The following ETV6 variants were observed in gnomAD, a reference collection of about 807,000 sequenced individuals.
The protein encoded by ETV6 is ETS variant transcription factor 6.
A neutral mutation model predicts 51.1 loss-of-function variants in ETV6; 16 were observed. That is an observed-to-expected ratio of 0.31 (90% CI 0.21 to 0.48). The LOEUF is 0.48. Ranked by LOEUF, ETV6 falls within the 20% of genes least tolerant of loss-of-function variation. The probability of loss-of-function intolerance (pLI) is 0.99; values close to 1 mark genes in which losing one functional copy is unlikely to be tolerated. For synonymous variants in ETV6, 240 were observed against 224.1 expected, an observed-to-expected ratio of 1.07 and a Z score of -0.64; for missense variants, 458 against 594.8, an observed-to-expected ratio of 0.77 and a Z score of 2.39.
chr12:11,842,753 C>G (rs2136470378), intron 3 of ETV6, among the ~76,000 whole-genome samples: 1 of 152,306 alleles, frequency 6.6e-6, no homozygotes, highest in East Asian at 1.9e-4. Context: ...GATTCATTGG[C>G]TTACTTAAAG....
intron 2 of ETV6, among the ~76,000 whole-genome samples, chr12:11,838,845 T>C (rs1430399037): frequency 1.3e-5 from 2 of 152,188 alleles, no homozygotes; most frequent in East Asian, 3.8e-4. Flanking sequence ...ACATAAAAGA[T>C]CTTTTTCTCA....
At chr12:11,656,507 C>T (rs1864001946) in intron 1 of ETV6, among the ~76,000 whole-genome samples, 1 of 152,202 alleles carries the variant, frequency 6.6e-6, no homozygotes, top group African/African-American at 2.4e-5. Context: ...CTAGCCATTA[C>T]ACAAGTAGCG....
intron 1 of ETV6, among the ~76,000 whole-genome samples, chr12:11,720,662 C>A (rs1007951572): frequency 6.6e-6 from 1 of 152,104 alleles, no homozygotes; most frequent in Non-Finnish European, 1.5e-5. Flanking sequence ...TTGACACTAG[C>A]CTTGGCAAAG....
At chr12:11,795,212 A>G (rs1945657939) in intron 2 of ETV6, among the ~76,000 whole-genome samples, 1 of 152,254 alleles carries the variant, frequency 6.6e-6, no homozygotes, top group African/African-American at 2.4e-5. Context: ...TAAAGCAGGA[A>G]CTGTTATTTG....
At chr12:11,751,225 G>C (rs987210471) in intron 1 of ETV6, among the ~76,000 whole-genome samples, 1 of 152,178 alleles carries the variant, frequency 6.6e-6, no homozygotes, top group African/African-American at 2.4e-5. Context: ...TATAGGCCGA[G>C]GACTCCGCCG....
At chr12:11,729,427 G>C (rs541617374) in intron 1 of ETV6, among the ~76,000 whole-genome samples, 1 of 152,154 alleles carries the variant, frequency 6.6e-6, no homozygotes, top group Non-Finnish European at 1.5e-5. Flanking sequence ...AGGTGGGGGG[G>C]ACTGGGCTGC....
At chr12:11,680,123 G>GT (rs1864498762) in intron 1 of ETV6, among the ~76,000 whole-genome samples, 3 of 152,170 alleles carry the variant, frequency 2.0e-5, no homozygotes, top group Admixed American at 2.0e-4. Flanking sequence ...GCAGGTAGGG[G>GT]TTGCAATCTT....
intron 1 of ETV6, among the ~76,000 whole-genome samples, chr12:11,659,807 G>C (rs1864066259): frequency 2.0e-5 from 3 of 152,134 alleles, no homozygotes; most frequent in Admixed American, 6.5e-5. Context: ...GGTTGTGGCA[G>C]GGGAAGTTCT....
At chr12:11,652,246 G>A (rs1482600622) in intron 1 of ETV6, among the ~76,000 whole-genome samples, 1 of 152,180 alleles carries the variant, frequency 6.6e-6, no homozygotes, top group African/African-American at 2.4e-5. Context: ...TAGACTGCAT[G>A]TGTCTAGGTG....
chr12:11,747,323 G>A (rs1865926471), intron 1 of ETV6, among the ~76,000 whole-genome samples: 1 of 152,140 alleles, frequency 6.6e-6, no homozygotes, highest in African/African-American at 2.4e-5. Context: ...TCAGGGCAGG[G>A]GGGACACTGG....
At position 11,814,115 on chromosome 12, in the gene ETV6, A is replaced by G. The variant is rs1181656710; in HGVS notation, c.164-25025A>G. Among the ~76,000 whole-genome samples, 9 of 152,324 alleles carry G rather than the reference A, an allele frequency of 5.9e-5. No homozygotes were observed. In the East Asian group the frequency reaches 1.2e-3, roughly 20 times the overall value. On this transcript the variant is annotated intron_variant, in intron 2 of 7. Transcript: ENST00000396373. ...TAACTGGTACATTTTATATTTTACCAGTACAGTGACAGCTGATATTTATAA... is the reference window on the plus strand; with the variant it reads ...TAACTGGTACATTTTATATTTTACCGGTACAGTGACAGCTGATATTTATAA...
At chr12:11,662,549 C>T (rs144541789) in intron 1 of ETV6, among the ~76,000 whole-genome samples, 1 of 152,314 alleles carries the variant, frequency 6.6e-6, no homozygotes, top group East Asian at 1.9e-4. Flanking sequence ...TGTACATTTT[C>T]ATTTCAGCTG....
In ETV6 at chr12:11,835,092, GAAGT is replaced by G. The variant is rs142098102; in HGVS notation, c.164-4043_164-4040del. Among the ~76,000 whole-genome samples the G allele has an allele frequency of 5.1e-3, 772 of 152,322 alleles. 4 individuals are homozygous for G. Among genetic ancestry groups the G allele is most frequent in the African/African-American group, 0.017 (724 of 41,576 alleles). ...AAAGCATGGAATTGAAGAAATATTA[GAAGT>G]AAGTTTAAGGGCCTGGGTGTGTCAC... On this transcript the variant is annotated intron_variant, in intron 2 of 7. Transcript: ENST00000396373.
chr12:11,831,228 T>C (rs1396624938), intron 2 of ETV6, among the ~76,000 whole-genome samples: 1 of 152,220 alleles, frequency 6.6e-6, no homozygotes, highest in Non-Finnish European at 1.5e-5. Context: ...TGTCTGTGTG[T>C]GTGTTTGTTT....
intron 2 of ETV6, among the ~76,000 whole-genome samples, chr12:11,779,336 C>G (rs1441955819): frequency 6.6e-6 from 1 of 152,210 alleles, no homozygotes; most frequent in African/African-American, 2.4e-5. Flanking sequence ...GAACTCAGTA[C>G]TGAATTTGTT....
chr12:11,729,029 A>G (rs1300556893), intron 1 of ETV6, among the ~76,000 whole-genome samples: 1 of 152,238 alleles, frequency 6.6e-6, no homozygotes, highest in African/African-American at 2.4e-5. Context: ...ACACTTTGAC[A>G]TACATTCTCT....
chr12:11,724,559 G>GGGTAGGA (rs1326522249), intron 1 of ETV6, among the ~76,000 whole-genome samples: 5 of 152,110 alleles, frequency 3.3e-5, no homozygotes, highest in African/African-American at 1.2e-4. Flanking sequence ...CAGAGATGGA[G>GGGTAGGA]GGTAGGATAC....
At chr12:11,712,845 C>T (rs545127133) in intron 1 of ETV6, among the ~76,000 whole-genome samples, 2 of 152,318 alleles carry the variant, frequency 1.3e-5, no homozygotes, top group South Asian at 2.1e-4. Flanking sequence ...CCATCCCCCT[C>T]GCAGGAGTTT....
chr12:11,795,752 C>A (rs1271599195), intron 2 of ETV6, among the ~76,000 whole-genome samples: 1 of 152,212 alleles, frequency 6.6e-6, no homozygotes, highest in Non-Finnish European at 1.5e-5. Flanking sequence ...CCAGTTCCGG[C>A]TCTGCTACTT....
Sources: allele counts gnomAD v4.1 joint callset (sites outside exome capture counted in the v4.1 genomes callset), GRCh38; gene constraint gnomAD v4.1.1; transcripts MANE v1.5; gene names NCBI Gene and HGNC (gene_info 2026-07-23, HGNC 2026-07-21).